PROK2: variants seen among roughly 807,000 people sequenced by gnomAD.
PROK2 encodes prokineticin 2.
PROK2 carries 8 observed loss-of-function variants against 14.2 expected under a neutral mutation model. The ratio of observed to expected loss-of-function variants is 0.56; its 90% confidence interval spans 0.33 to 1.02. PROK2 has a LOEUF of 1.02. Ranked by LOEUF, PROK2 falls within the 50% of genes least tolerant of loss-of-function variation. The pLI is 0.03. For missense variants in PROK2, 154 were observed against 160.4 expected (o/e 0.96, Z 0.22); for synonymous variants, 59 against 60.7 (o/e 0.97, Z 0.13).
At chr3:71,776,774 G>T (rs779689712) in intron 2 of PROK2, among the ~76,000 whole-genome samples, 1 of 152,124 alleles carries the variant, frequency 6.6e-6, no homozygotes, top group Non-Finnish European at 1.5e-5. Flanking sequence ...GTGTGACAAA[G>T]CTAACAGGCG....
chr3:71,780,235 A>G (rs2050151030), intron 2 of PROK2, among the ~76,000 whole-genome samples: 1 of 152,260 alleles, frequency 6.6e-6, no homozygotes, highest in East Asian at 1.9e-4. Flanking sequence ...AGCCAAAAGC[A>G]AATTCAGTCT....
chr3:71,772,406 A>C lies in PROK2; in HGVS notation c.*318T>G. The C allele has an allele frequency of 6.6e-6, 2 of 301,462 alleles. No homozygotes were observed. Among genetic ancestry groups the C allele is most frequent in the South Asian group, 9.4e-5 (2 of 21,176 alleles). The allele number at this position is 301,462 out of a possible 1,614,324, so 18.7% of individuals were successfully genotyped here. On this transcript the variant is annotated 3_prime_UTR_variant, in exon 4 of 4. Coordinates refer to ENST00000295619, the MANE Select transcript of PROK2 (RefSeq NM_001126128.2). Reference sequence around the variant, plus strand: ...AAAAAGTTTTTCTAACAAAATATCAAATTCTTATTTTCCTCATTTTTGTGA... The same window carrying C: ...AAAAAGTTTTTCTAACAAAATATCACATTCTTATTTTCCTCATTTTTGTGA...
chr3:71,777,102 T>C (rs1199012824), intron 2 of PROK2, among the ~76,000 whole-genome samples: 1 of 152,240 alleles, frequency 6.6e-6, no homozygotes, highest in African/African-American at 2.4e-5. Flanking sequence ...TGGAATATTG[T>C]ACTATAGTTT....
intron 2 of PROK2, among the ~76,000 whole-genome samples, chr3:71,780,372 T>G (rs969056510): frequency 6.6e-6 from 1 of 152,244 alleles, no homozygotes; most frequent in African/African-American, 2.4e-5. Flanking sequence ...TCTCTGGGAC[T>G]GTGGAGTATG....
Position 71,781,610 on chromosome 3 carries a change from A to G in PROK2, c.97-18T>C, listed in dbSNP as rs764096753. 1.9e-6 allele frequency: 3 copies of G among 1,606,378 alleles called. No homozygotes were observed. Among genetic ancestry groups the G allele is most frequent in the Admixed American group, 3.3e-5 (2 of 60,008 alleles). ...TCACAAGCCTGAAATGTAATAAACAAACAGATAAATATAGATAACAGGAAA... is the reference window on the plus strand; with the variant it reads ...TCACAAGCCTGAAATGTAATAAACAGACAGATAAATATAGATAACAGGAAA... On this transcript the variant is annotated intron_variant, in intron 1 of 3. Coordinates refer to ENST00000295619, the MANE Select transcript of PROK2 (RefSeq NM_001126128.2).
In PROK2 at chr3:71,781,584, G is replaced by A. The variant is rs769540640; in HGVS notation, c.105C>T (p.Asp35=). Residue 35 remains aspartate, a synonymous_variant, in exon 2 of 4, where the codon GAC becomes GAT. Transcript: ENST00000295619. ...GDAAVITGAC[D]KDSQCGGGMC... ...TGCCTCCACCACATTGGGAGTCCTT[G>A]TCACAAGCCTGAAATGTAATAAACA... 6.2e-7 allele frequency: 1 copy of A among 1,611,446 alleles called. No individual in the cohort carries two copies. The highest frequency in any genetic ancestry group is 2.2e-5 in the East Asian group (1 of 44,868).
At chr3:71,778,941 A>C (rs1430539073) in intron 2 of PROK2, among the ~76,000 whole-genome samples, 1 of 152,272 alleles carries the variant, frequency 6.6e-6, no homozygotes, top group African/African-American at 2.4e-5. Context: ...TCTATTATTT[A>C]AAGATTTCAT....
intron 2 of PROK2, among the ~76,000 whole-genome samples, chr3:71,778,832 C>T (rs758293289): frequency 2.6e-4 from 39 of 152,144 alleles, no homozygotes; most frequent in Non-Finnish European, 5.0e-4. Context: ...ATCAAAATAA[C>T]CTTTGAAAAT....
At chr3:71,783,171 T>A (rs539827453) in intron 1 of PROK2, among the ~76,000 whole-genome samples, 9 of 152,178 alleles carry the variant, frequency 5.9e-5, no homozygotes, top group Non-Finnish European at 1.0e-4. Context: ...TGAGGCCCCA[T>A]GAGCTTTTTT....
chr3:71,773,144 T>C (rs1414980067), intron 3 of PROK2, among the ~76,000 whole-genome samples: 1 of 152,166 alleles, frequency 6.6e-6, no homozygotes, highest in Non-Finnish European at 1.5e-5. Context: ...CACGCCCAAC[T>C]AACTTTTGCA....
chr3:71,773,417 T>C (rs776342490), intron 3 of PROK2, among the ~76,000 whole-genome samples: 1 of 152,236 alleles, frequency 6.6e-6, no homozygotes, highest in African/African-American at 2.4e-5. Flanking sequence ...AGGTCACTTA[T>C]GTAAAACTTG....
At chr3:71,778,154 A>G (rs1304312882) in intron 2 of PROK2, among the ~76,000 whole-genome samples, 2 of 151,978 alleles carry the variant, frequency 1.3e-5, no homozygotes, top group African/African-American at 2.4e-5. Flanking sequence ...CCGAGATCAC[A>G]CCACTGCACT....
chr3:71,775,486 C>T (rs1218569854), intron 2 of PROK2, among the ~76,000 whole-genome samples: 1 of 152,306 alleles, frequency 6.6e-6, no homozygotes, highest in East Asian at 1.9e-4. Context: ...TGGCCTGTCA[C>T]ATGGGGTGGG....
intron 3 of PROK2, 123 bp from the exon 4 acceptor site, chr3:71,772,951 A>G: frequency 1.3e-6 from 1 of 767,094 alleles, no homozygotes; most frequent in Admixed American, 2.1e-5. Flanking sequence ...ACTACCCATT[A>G]GGCAATATGC....
Position 71,772,512 on chromosome 3 carries a change from A to C in PROK2, c.*212T>G. 1 of 554,458 alleles carries C rather than the reference A, an allele frequency of 1.8e-6. No homozygotes were observed. The highest frequency in any genetic ancestry group is 3.2e-6 in the Non-Finnish European group (1 of 314,624). The allele number at this position is 554,458 out of a possible 1,614,324, so 34.3% of individuals were successfully genotyped here. A position where few individuals can be genotyped will look rare whatever the true frequency, so the allele number is the denominator to read the frequency against. On this transcript the variant is annotated 3_prime_UTR_variant, in exon 4 of 4. Coordinates refer to ENST00000295619, the MANE Select transcript of PROK2 (RefSeq NM_001126128.2). ...CAGGGAAATAAGAACCAGTTCCATA[A>C]TGCCTTACACTTCATATTTCTATCC... is the stretch of plus-strand genomic sequence containing the variant.
At chr3:71,779,381 C>A (rs1258261048) in intron 2 of PROK2, among the ~76,000 whole-genome samples, 2 of 152,220 alleles carry the variant, frequency 1.3e-5, no homozygotes, top group Non-Finnish European at 2.9e-5. Context: ...CCCTCTGGGG[C>A]TTAATGTTGT....
chr3:71,784,834 G>A (rs113108034), intron 1 of PROK2, 123 bp downstream of exon 1: 35 of 828,328 alleles, frequency 4.2e-5, no homozygotes, highest in African/African-American at 3.6e-4. Flanking sequence ...ACAGGGGCAG[G>A]TGTCCCCGCC....
Position 71,776,363 on chromosome 3 carries a change from C to CTTTTTT in PROK2, c.223-1857_223-1856insAAAAAA, listed in dbSNP as rs2050118816. ...CTTTTCTTTTTTTCTTTTCGCTTTT[C>CTTTTTT]ATTTTTTTTTTTTTTTTTTTTTTTT... On this transcript the variant is annotated intron_variant, in intron 2 of 3. Coordinates refer to ENST00000295619, the MANE Select transcript of PROK2 (RefSeq NM_001126128.2). Among the ~76,000 whole-genome samples the CTTTTTT allele has an allele frequency of 2.7e-4, 25 of 92,060 alleles. 2 individuals are homozygous for CTTTTTT. Among genetic ancestry groups the CTTTTTT allele is most frequent in the Non-Finnish European group, 2.4e-4 (12 of 49,444 alleles). 60.4% of individuals were successfully genotyped at this position (92,060 alleles called of 152,430 possible). A position where few individuals can be genotyped will look rare whatever the true frequency, so the allele number is the denominator to read the frequency against.
At chr3:71,780,378 G>A (rs1452605052) in intron 2 of PROK2, among the ~76,000 whole-genome samples, 1 of 152,236 alleles carries the variant, frequency 6.6e-6, no homozygotes, top group East Asian at 1.9e-4. Flanking sequence ...GGACTGTGGA[G>A]TATGGGAATG....
Sources: gnomAD v4.1 joint callset for allele counts (sites outside exome capture counted in the v4.1 genomes callset) on GRCh38, gnomAD v4.1.1 for gene constraint, MANE v1.5 for transcripts, NCBI Gene and HGNC (gene_info 2026-07-23, HGNC 2026-07-21) for gene names.